Variants in CEP63 observed in about 807,000 individuals in gnomAD.
The protein encoded by CEP63 is centrosomal protein 63.
A neutral mutation model predicts 89.1 loss-of-function variants in CEP63; 84 were observed. The observed-to-expected ratio is 0.94, with a 90% confidence interval of 0.79 to 1.13. The LOEUF (loss-of-function observed/expected upper bound fraction) is 1.13. CEP63 is among the 50% of genes most tolerant of loss of function. The pLI is 0.00. For synonymous variants in CEP63, 267 were observed against 272.5 expected (o/e 0.98, Z 0.20); for missense variants, 838 against 813.3 (o/e 1.03, Z -0.37).
At chr3:134,758,081 G>C in the CEP63 span, among the ~76,000 whole-genome samples, 1 of 152,166 alleles carries the variant, frequency 6.6e-6, no homozygotes, top group African/African-American at 2.4e-5. Context: ...TGATAGAACT[G>C]ATAATTATTA....
chr3:134,604,132 C>A, the CEP63 span: 2 of 1,608,242 alleles, frequency 1.2e-6, no homozygotes, highest in Non-Finnish European at 1.7e-6. Context: ...GGAGCAGCGC[C>A]CGTCGCTGGT....
intron 6 of CEP63, among the ~76,000 whole-genome samples, chr3:134,540,825 C>T (rs1457530110): frequency 6.8e-6 from 1 of 148,100 alleles, no homozygotes; most frequent in African/African-American, 2.5e-5. Context: ...GCCTCGGTTG[C>T]CCAGCCTGGA....
At chr3:134,746,235 C>T in the CEP63 span, among the ~76,000 whole-genome samples, 12 of 151,176 alleles carry the variant, frequency 7.9e-5, no homozygotes, top group Admixed American at 7.9e-4. Flanking sequence ...CATGTCCCTA[C>T]AAAGGACATG....
At chr3:134,778,660 G>T in the CEP63 span, among the ~76,000 whole-genome samples, 1 of 152,068 alleles carries the variant, frequency 6.6e-6, no homozygotes, top group African/African-American at 2.4e-5. Flanking sequence ...CCGGGTTCAC[G>T]CCATTCTCCT....
the CEP63 span, among the ~76,000 whole-genome samples, chr3:134,648,513 G>A: frequency 6.6e-6 from 1 of 152,182 alleles, no homozygotes; most frequent in Non-Finnish European, 1.5e-5. Context: ...TACTGCTGCA[G>A]GAGTATATGC....
At chr3:134,691,705 C>T in the CEP63 span, among the ~76,000 whole-genome samples, 1 of 152,060 alleles carries the variant, frequency 6.6e-6, no homozygotes, top group African/African-American at 2.4e-5. Flanking sequence ...TCTATTTTCC[C>T]AAACAAAAGT....
At chr3:134,698,321 G>A in the CEP63 span, among the ~76,000 whole-genome samples, 1 of 152,206 alleles carries the variant, frequency 6.6e-6, no homozygotes, top group Non-Finnish European at 1.5e-5. Flanking sequence ...TGGCAAAGGG[G>A]CATGCCAAGC....
chr3:134,497,113 A>G (rs1940352831), intron 2 of CEP63, among the ~76,000 whole-genome samples: 2 of 152,076 alleles, frequency 1.3e-5, no homozygotes. Flanking sequence ...ACATTTTAAT[A>G]GGGTTTTTTG....
the CEP63 span, among the ~76,000 whole-genome samples, chr3:134,683,872 G>A: frequency 1.6e-4 from 25 of 152,066 alleles, no homozygotes; most frequent in East Asian, 4.3e-3. Flanking sequence ...CTGGGTTGGG[G>A]TCACCTGCCC....
At chr3:134,750,789 G>A in the CEP63 span, among the ~76,000 whole-genome samples, 1 of 152,188 alleles carries the variant, frequency 6.6e-6, no homozygotes, top group African/African-American at 2.4e-5. Context: ...GAAGAAAGGG[G>A]TTTATGTCCA....
At chr3:134,698,730 C>T in the CEP63 span, among the ~76,000 whole-genome samples, 28 of 152,324 alleles carry the variant, frequency 1.8e-4, no homozygotes, top group Admixed American at 6.5e-4. Flanking sequence ...TCTGATACTG[C>T]TCTCTCCTTT....
the CEP63 span, among the ~76,000 whole-genome samples, chr3:134,768,476 C>T: frequency 6.6e-6 from 1 of 152,180 alleles, no homozygotes; most frequent in Non-Finnish European, 1.5e-5. Context: ...TTTTCCTTCT[C>T]TTCCTCTTAT....
intron 12 of CEP63, among the ~76,000 whole-genome samples, chr3:134,557,404 T>TTA (rs1560042339): frequency 1.5e-5 from 2 of 130,226 alleles, no homozygotes; most frequent in African/African-American, 2.7e-5. Context: ...TTTTTTTTTT[T>TTA]ACAGAAAAGA....
At chr3:134,610,380 G>A in the CEP63 span, 3 of 1,610,596 alleles carry the variant, frequency 1.9e-6, no homozygotes, top group East Asian at 2.2e-5. Flanking sequence ...GCACTCCGGC[G>A]AGCCTGGGGG....
chr3:134,489,121 A>G (rs1409288768), intron 1 of CEP63, among the ~76,000 whole-genome samples: 4 of 149,628 alleles, frequency 2.7e-5, no homozygotes, highest in Non-Finnish European at 5.9e-5. Flanking sequence ...AGATCACGCC[A>G]CTGCACTCCA....
chr3:134,630,768 G>A, the CEP63 span, among the ~76,000 whole-genome samples: 1 of 152,170 alleles, frequency 6.6e-6, no homozygotes, highest in Non-Finnish European at 1.5e-5. Context: ...ACTCAGGAAA[G>A]TCTTAATTTG....
the CEP63 span, among the ~76,000 whole-genome samples, chr3:134,754,618 G>A: frequency 6.6e-6 from 1 of 152,158 alleles, no homozygotes; most frequent in Non-Finnish European, 1.5e-5. Context: ...GGGGTCAGGA[G>A]GGTGGGTGTC....
chr3:134,758,819 T>C, the CEP63 span, among the ~76,000 whole-genome samples: 1 of 152,158 alleles, frequency 6.6e-6, no homozygotes, highest in South Asian at 2.1e-4. Flanking sequence ...AATAATGGCC[T>C]CGCCAAAGAT....
At chr3:134,494,053 C>T (rs745633812) in intron 1 of CEP63, among the ~76,000 whole-genome samples, 3 of 152,006 alleles carry the variant, frequency 2.0e-5, no homozygotes, top group Non-Finnish European at 4.4e-5. Context: ...TCCTTTCTCA[C>T]TGTCACCTTT....
Sources: allele counts gnomAD v4.1 joint callset (sites outside exome capture counted in the v4.1 genomes callset), GRCh38; gene constraint gnomAD v4.1.1; transcripts MANE v1.5; gene names NCBI Gene and HGNC (gene_info 2026-07-23, HGNC 2026-07-21).